The following MTOR variants were observed in gnomAD, a reference collection of about 807,000 sequenced individuals.
The protein encoded by MTOR is serine/threonine-protein kinase mTOR.
In MTOR, 70 loss-of-function variants were observed where a neutral mutation model predicts 319.8. The ratio of observed to expected loss-of-function variants is 0.22; its 90% CI spans 0.18 to 0.27. MTOR has a LOEUF of 0.27. Among genes scored for constraint, MTOR ranks in the 10% least tolerant of loss-of-function variants. The probability of loss-of-function intolerance (pLI) is 1.00; values close to 1 mark genes in which losing one functional copy is unlikely to be tolerated. For missense variants in MTOR, 1,890 were observed against 3,274.4 expected (o/e 0.58, Z 10.32); for synonymous variants, 1,183 against 1,211.4 (o/e 0.98, Z 0.49).
At position 11,233,011 on chromosome 1, in the gene MTOR, A is replaced by C. The variant is rs1253797420; in HGVS notation, c.2421+387T>G. On this transcript the variant is annotated intron_variant, in intron 15 of 57. Coordinates refer to ENST00000361445, the MANE Select transcript of MTOR (RefSeq NM_004958.4). ...ATTAAGCAATTCCTGGCCAAGAAAC[A>C]AAAGTAAAATCGTCCCATTCCCCAG... is the stretch of plus-strand genomic sequence containing the variant. The C allele has an allele frequency of 5.2e-6, 5 of 963,644 alleles. No homozygotes were observed. The Admixed American group carries it at 6.8e-5, about 13-fold the overall frequency. 59.7% of individuals were successfully genotyped at this position (963,644 alleles called of 1,614,324 possible). A position where few individuals can be genotyped will look rare whatever the true frequency, so the allele number is the denominator to read the frequency against.
intron 36 of MTOR, among the ~76,000 whole-genome samples, chr1:11,136,715 T>G (rs982993543): frequency 2.0e-5 from 3 of 152,014 alleles, no homozygotes; most frequent in African/African-American, 7.2e-5. Context: ...GTTGCCCAGG[T>G]TGGTCTCAAA....
intron 34 of MTOR, among the ~76,000 whole-genome samples, chr1:11,142,445 C>T (rs561413946): frequency 2.4e-4 from 37 of 151,860 alleles, no homozygotes; most frequent in Admixed American, 4.6e-4. Context: ...TGCGCCACCA[C>T]GCCTGGCTAA....
At position 11,126,631 on chromosome 1, in the gene MTOR, T is replaced by A. The variant is rs2100395866; in HGVS notation, c.6517A>T (p.Thr2173Ser). Residue 2173 changes from threonine to serine, a missense_variant, in exon 46 of 58, where the codon ACA becomes TCA. By Grantham distance (58) the Thr-to-Ser change is moderately conservative (BLOSUM62 1). Coordinates refer to ENST00000361445, the MANE Select transcript of MTOR (RefSeq NM_004958.4). The stretch of plus-strand genomic sequence containing the variant: ...GCACAATGGTCCTTACCCATAAGTG[T>A]CAATTTCCGGGGCCTCTGCTTGGAT... ...ITSKQRPRKLTLMGSNGHEFV... is the reference protein window; with the variant it reads ...ITSKQRPRKLSLMGSNGHEFV... The A allele has an allele frequency of 6.2e-7, 1 of 1,613,946 alleles. No homozygotes were observed. The highest frequency in any genetic ancestry group is 8.5e-7 in the Non-Finnish European group (1 of 1,179,988).
At chr1:11,123,900 GCCT>G (rs1484126345) in intron 47 of MTOR, among the ~76,000 whole-genome samples, 6 of 152,012 alleles carry the variant, frequency 3.9e-5, no homozygotes, top group Non-Finnish European at 8.8e-5. Flanking sequence ...CAATTCTCGT[GCCT>G]CAGCCTCCTG....
At position 11,199,652 on chromosome 1, in the gene MTOR, A is replaced by T. The variant is rs779700417; in HGVS notation, c.3996T>A (p.Asp1332Glu). ...TGCTTCTGATGAGCTCATCCTGTTG[A>T]TCTTCATTCAGTTCAGACCAGCAGG... is the stretch of plus-strand genomic sequence containing the variant. ...FVSCWSELNE[D>E]QQDELIRSIE... The change falls in exon 27 of 58, where the codon GAT becomes GAA. Residue 1332 changes from aspartate to glutamate, a missense_variant. Physicochemically the swap from Asp to Glu is conservative, Grantham distance 45. Around this residue, in one of 15 missense-constraint regions of MTOR, gnomAD observed 49 missense variants for 119.1 expected, o/e 0.41. Transcript: ENST00000361445. This position sits in a 1 kb window ranked among gnomAD's most constrained non-coding sequence, Gnocchi z 4.5. The T allele has an allele frequency of 1.1e-5, 18 of 1,614,022 alleles. No homozygotes were observed. The highest frequency in any genetic ancestry group is 1.5e-5 in the Non-Finnish European group (18 of 1,180,016).
chr1:11,144,433 A>C (rs1643856712), intron 34 of MTOR: 3 of 521,860 alleles, frequency 5.7e-6, no homozygotes, highest in Non-Finnish European at 1.0e-5. Flanking sequence ...TAGAGAAGAG[A>C]ATAAGAAGAG....
intron 47 of MTOR, 28 bp from the exon 48 acceptor site, chr1:11,122,154 T>C (rs755741563): frequency 3.1e-6 from 5 of 1,613,902 alleles, no homozygotes; most frequent in Non-Finnish European, 4.2e-6. Flanking sequence ...GCAGGGTTAG[T>C]GTACCGTAAA....
intron 10 of MTOR, 56 bp downstream of exon 10, chr1:11,241,497 C>G: frequency 6.4e-7 from 1 of 1,557,198 alleles, no homozygotes; most frequent in Admixed American, 1.9e-5. Context: ...ACAGTCCCAA[C>G]ACTGGGGGCC....
chr1:11,145,014 G>C lies in MTOR; in HGVS notation c.4718C>G (p.Ala1573Gly). Residue 1573 changes from alanine to glycine, a missense_variant, in exon 33 of 58, where the codon GCT (alanine) becomes GGT (glycine). By Grantham distance (60) the Ala-to-Gly change is moderately conservative. Transcript: ENST00000361445. The part of the protein sequence containing the change: ...CIDKARDLLD[A>G]ELTAMAGESY... Reference sequence around the variant, plus strand: ...CTCTCCTGCCATCGCAGTTAATTCAGCATCCAGCAGGTCCCTGGCCTTGTC... The same window carrying C: ...CTCTCCTGCCATCGCAGTTAATTCACCATCCAGCAGGTCCCTGGCCTTGTC... The C allele has an allele frequency of 1.2e-6, 2 of 1,614,114 alleles. No homozygotes were observed. The highest frequency in any genetic ancestry group is 1.7e-6 in the Non-Finnish European group (2 of 1,180,010).
At chr1:11,228,145 T>C (rs1217965476) in intron 19 of MTOR, among the ~76,000 whole-genome samples, 1 of 151,890 alleles carries the variant, frequency 6.6e-6, no homozygotes, top group African/African-American at 2.4e-5. Flanking sequence ...GAACTCTAGA[T>C]TACTGAGAAT....
intron 28 of MTOR, among the ~76,000 whole-genome samples, chr1:11,187,981 A>G (rs1187283625): frequency 6.7e-6 from 1 of 150,116 alleles, no homozygotes; most frequent in African/African-American, 2.5e-5. Flanking sequence ...TTTGATTCTG[A>G]GAAAAAAAAA....
chr1:11,107,339 C>T lies in MTOR; in HGVS notation c.*146G>A. 1 of 1,517,968 alleles carries T rather than the reference C, an allele frequency of 6.6e-7. No homozygotes were observed. Among genetic ancestry groups the T allele is most frequent in the Non-Finnish European group, 8.8e-7 (1 of 1,137,476 alleles). 94.0% of individuals were successfully genotyped at this position (1,517,968 alleles called of 1,614,324 possible). ...CAGCTAGAAAGTTGGTTCAAACCAA[C>T]TTTTAATATACAGTAGTTCTTTTCA... On this transcript the variant is annotated 3_prime_UTR_variant, in exon 58 of 58. Transcript: ENST00000361445.
intron 49 of MTOR, among the ~76,000 whole-genome samples, chr1:11,120,877 T>TCCG (rs35948948): frequency 6.6e-6 from 1 of 152,158 alleles, no homozygotes; most frequent in African/African-American, 2.4e-5. Context: ...ATGCAGAAGC[T>TCCG]ACGGATATGG....
In MTOR at chr1:11,210,817, G is replaced by A. The variant is rs771663853; in HGVS notation, c.3651C>T (p.Val1217=). Residue 1217 remains valine, a synonymous_variant, in exon 24 of 58, where the codon GTC becomes GTT. Transcript: ENST00000361445. ...ACAGAAAAGAAGTATAGTTCACCTT[G>A]ACAATTCTGCAGATGAGCACATCAT... The part of the protein sequence containing the change: ...QRYDVLICRI[V]KGYTLADEEE... The A allele has an allele frequency of 1.7e-5, 28 of 1,606,682 alleles. No individual in the cohort carries two copies. In the South Asian group the frequency reaches 3.1e-4, roughly 18 times the overall value.
At chr1:11,172,030 C>CAAAAA (rs1314310546) in intron 28 of MTOR, among the ~76,000 whole-genome samples, 1 of 84,734 alleles carries the variant, frequency 1.2e-5, no homozygotes. Flanking sequence ...AACTCCATCT[C>CAAAAA]AAAAAAAAAA....
At chr1:11,203,064 AT>A (rs1292795229) in intron 26 of MTOR, among the ~76,000 whole-genome samples, 4 of 151,064 alleles carry the variant, frequency 2.6e-5, no homozygotes, top group Non-Finnish European at 5.9e-5. Flanking sequence ...ATTACAAAAA[AT>A]AGCCGGGCGT....
At chr1:11,221,587 C>T (rs560993192) in intron 19 of MTOR, among the ~76,000 whole-genome samples, 50 of 150,862 alleles carry the variant, frequency 3.3e-4, no homozygotes, top group Non-Finnish European at 6.9e-4. Context: ...AATTTTTTTC[C>T]GCCAGAAAGC....
rs138066958 is a variant in MTOR at position 11,238,495 on chromosome 1, T to C, written c.1909A>G (p.Ile637Val). The change falls in exon 12 of 58, where the codon ATC becomes GTC. Residue 637 changes from isoleucine (I) to valine (V), a missense_variant. Physicochemically the swap from Ile to Val is conservative, Grantham distance 29. Coordinates refer to ENST00000361445, the MANE Select transcript of MTOR (RefSeq NM_004958.4). ...SRLLTPSIHL[I>V]SGHAHVVSQT... Reference sequence around the variant, plus strand: ...CTAACCACATGAGCATGGCCACTGATGAGGTGGATGGAGGGTGTGAGCAGG... The same window carrying C: ...CTAACCACATGAGCATGGCCACTGACGAGGTGGATGGAGGGTGTGAGCAGG... 1.9e-4 allele frequency: 304 copies of C among 1,614,208 alleles called. 4 individuals are homozygous for C. The highest frequency in any genetic ancestry group is 1.2e-3 in the Middle Eastern group (7 of 6,060).
In MTOR at chr1:11,127,242, G is replaced by A. The variant is rs780609095; in HGVS notation, c.6217-98C>T. 1.6e-4 allele frequency: 240 copies of A among 1,521,646 alleles called. No homozygotes were observed. Among genetic ancestry groups the A allele is most frequent in the African/African-American group, 1.3e-3 (96 of 72,978 alleles). The allele number at this position is 1,521,646 out of a possible 1,614,324, so 94.3% of individuals were successfully genotyped here. A position where few individuals can be genotyped will look rare whatever the true frequency, so the allele number is the denominator to read the frequency against. On this transcript the variant is annotated intron_variant, in intron 44 of 57. Transcript: ENST00000361445. This position sits in a 1 kb window ranked among gnomAD's most constrained non-coding sequence, Gnocchi z 5.5. ...GACTGCAGATATTCCTCAGGAGCCC[G>A]CTGTGGCCTGAAAACACTGGCAGGG...
Sources: gnomAD v4.1 joint callset for allele counts (sites outside exome capture counted in the v4.1 genomes callset) on GRCh38, gnomAD v4.1.1 for gene constraint, gnomAD v4.1.1 regional missense constraint, Gnocchi (gnomAD v3.1) non-coding constraint, MANE v1.5 for transcripts, NCBI Gene and HGNC (gene_info 2026-07-23, HGNC 2026-07-21) for gene names.